Variants in ZSCAN32 observed in about 807,000 individuals in gnomAD.
ZSCAN32 encodes zinc finger and SCAN domain-containing protein 32.
Under a neutral mutation model 47.4 loss-of-function variants are expected in ZSCAN32, and 52 were observed. The ratio of observed to expected loss-of-function variants is 1.10; its 90% CI spans 0.88 to 1.38. The LOEUF is 1.38. Among genes scored for constraint, ZSCAN32 ranks in the 40% most tolerant of loss-of-function variants. The probability of loss-of-function intolerance (pLI) is 0.00; values close to 1 mark genes in which losing one functional copy is unlikely to be tolerated. For missense variants in ZSCAN32, 959 were observed against 846.0 expected (o/e 1.13, Z -1.66); for synonymous variants, 346 against 305.7 (o/e 1.13, Z -1.38).
At chr16:3,394,805 C>T (rs546307262) in intron 2 of ZSCAN32, among the ~76,000 whole-genome samples, 1 of 152,292 alleles carries the variant, frequency 6.6e-6, no homozygotes, top group South Asian at 2.1e-4. Context: ...CAAACCCGCC[C>T]AGTCTTTTCC....
At position 3,395,128 on chromosome 16, in the gene ZSCAN32, A is replaced by T. The variant is rs532930555; in HGVS notation, c.367-1314T>A. Among the ~76,000 whole-genome samples, 15 of 152,358 alleles carry T rather than the reference A, an allele frequency of 9.8e-5. No homozygotes were observed. In the South Asian group the frequency reaches 2.3e-3, roughly 23 times the overall value. On this transcript the variant is annotated intron_variant, in intron 2 of 6. Coordinates refer to ENST00000396852, the MANE Select transcript of ZSCAN32 (RefSeq NM_001284527.2). ...CAATATCAACGGTCACTGAAAATCA[A>T]CTTTTGTCTTTCAGAGCCATCTTCA...
chr16:3,397,687 G>T lies in ZSCAN32; in HGVS notation c.-130C>A. ...TTTCTGTAATCCGTGGGACATGAGA[G>T]TGTCAGACATGTGTAGAGACTCACA... On this transcript the variant is annotated 5_prime_UTR_variant, in exon 2 of 7. Transcript: ENST00000396852. 1 of 1,246,572 alleles carries T rather than the reference G, an allele frequency of 8.0e-7. No homozygotes were observed. Among genetic ancestry groups the T allele is most frequent in the Non-Finnish European group, 1.1e-6 (1 of 927,180 alleles). 77.2% of individuals were successfully genotyped at this position (1,246,572 alleles called of 1,614,324 possible).
chr16:3,386,567 T>G (rs901589856), intron 5 of ZSCAN32, among the ~76,000 whole-genome samples: 1 of 152,072 alleles, frequency 6.6e-6, no homozygotes, highest in Admixed American at 6.5e-5. Flanking sequence ...ATAGACTGGA[T>G]TAAGAAAATG....
chr16:3,383,204 T>G lies in ZSCAN32; in HGVS notation c.1742A>C (p.Gln581Pro), dbSNP rs1310610359. ...HTGERPYQCG[Q>P]CGKSFNQSSS... ...ACTCTGGTTGAAGCTTTTCCCACAT[T>G]GCCCACACTGATAGGGCCTCTCCCC... is the stretch of plus-strand genomic sequence containing the variant. Residue 581 changes from glutamine to proline, a missense_variant, in exon 7 of 7, where the codon CAA (glutamine) becomes CCA (proline). By Grantham distance (76) the Gln-to-Pro change is moderately conservative. Coordinates refer to ENST00000396852, the MANE Select transcript of ZSCAN32 (RefSeq NM_001284527.2). The G allele has an allele frequency of 6.2e-7, 1 of 1,614,158 alleles. No homozygotes were observed.
chr16:3,383,097 T>C lies in ZSCAN32; in HGVS notation c.1849A>G (p.Ser617Gly). 6.2e-7 allele frequency: 1 copy of C among 1,614,168 alleles called. No individual in the cohort carries two copies. The highest frequency in any genetic ancestry group is 8.5e-7 in the Non-Finnish European group (1 of 1,180,028). Residue 617 changes from serine (S) to glycine (G), a missense_variant, in exon 7 of 7, where the codon AGT becomes GGT. Physicochemically the swap from Ser to Gly is moderately conservative, Grantham distance 56. Coordinates refer to ENST00000396852, the MANE Select transcript of ZSCAN32 (RefSeq NM_001284527.2). ...CGCCGGTGAGCACTGAACTGGGAAC[T>C]GTTGTTGAATCTCTTTCCACAGACA... is the stretch of plus-strand genomic sequence containing the variant. The part of the protein sequence containing the change: ...CIVCGKRFNN[S>G]SQFSAHRRIH...
chr16:3,387,620 C>A (rs1227303961), intron 5 of ZSCAN32, among the ~76,000 whole-genome samples: 1 of 152,126 alleles, frequency 6.6e-6, no homozygotes, highest in African/African-American at 2.4e-5. Flanking sequence ...CTTCTTGTCA[C>A]CCCCTCTTCT....
rs763473028 is a variant in ZSCAN32, at chr16:3,397,375, G to A, written c.183C>T (p.Leu61=). ...PHEAFSKLWE[L]CCQWLRPKTH... Reference sequence around the variant, plus strand: ...TCTTCGGCCTCAGCCACTGACAACAGAGTTCCCAGAGTTTGCTAAAAGCTT... The same window carrying A: ...TCTTCGGCCTCAGCCACTGACAACAAAGTTCCCAGAGTTTGCTAAAAGCTT... Residue 61 remains leucine (L), a synonymous_variant, in exon 2 of 7, where the codon CTC becomes CTT. Coordinates refer to ENST00000396852, the MANE Select transcript of ZSCAN32 (RefSeq NM_001284527.2). The A allele has an allele frequency of 1.9e-6, 3 of 1,555,124 alleles. No homozygotes were observed. The highest frequency in any genetic ancestry group is 1.9e-5 in the Admixed American group (1 of 51,328).
intron 6 of ZSCAN32, 30 bp downstream of exon 6, chr16:3,384,429 C>G: frequency 6.2e-7 from 1 of 1,613,066 alleles, no homozygotes; most frequent in South Asian, 1.1e-5. Flanking sequence ...CTTTGCCATC[C>G]TTTGACCATC....
At chr16:3,386,736 AAC>A (rs2032047853) in intron 5 of ZSCAN32, among the ~76,000 whole-genome samples, 2 of 152,316 alleles carry the variant, frequency 1.3e-5, no homozygotes, top group South Asian at 4.1e-4. Context: ...GTTGTAACTG[AAC>A]AGTGAGAACA....
At chr16:3,385,601 G>A (rs2031878719) in intron 5 of ZSCAN32, among the ~76,000 whole-genome samples, 1 of 152,130 alleles carries the variant, frequency 6.6e-6, no homozygotes, top group African/African-American at 2.4e-5. Context: ...CAGAGAAATA[G>A]ACCAATGGAA....
Position 3,389,944 on chromosome 16 carries a change from G to C in ZSCAN32, c.751+66C>G. ...CTCCCTCTGTCTCCCTCCCTCTCAAGTCCTTTCAGCCTCTCTGAACAACTG... is the reference window on the plus strand; with the variant it reads ...CTCCCTCTGTCTCCCTCCCTCTCAACTCCTTTCAGCCTCTCTGAACAACTG... On this transcript the variant is annotated intron_variant, in intron 5 of 6. Coordinates refer to ENST00000396852, the MANE Select transcript of ZSCAN32 (RefSeq NM_001284527.2). 2.0e-6 allele frequency: 3 copies of C among 1,473,558 alleles called. No individual in the cohort carries two copies. In the South Asian group the frequency reaches 4.0e-5, roughly 20 times the overall value. The allele number at this position is 1,473,558 out of a possible 1,614,324, so 91.3% of individuals were successfully genotyped here. A position where few individuals can be genotyped will look rare whatever the true frequency, so the allele number is the denominator to read the frequency against.
chr16:3,385,039 C>A (rs2031786194), intron 5 of ZSCAN32, 98 bp from the exon 6 acceptor site: 1 of 1,430,950 alleles, frequency 7.0e-7, no homozygotes, highest in Non-Finnish European at 9.4e-7. Flanking sequence ...AAAGTTACAT[C>A]CTAGGCTGGA....
chr16:3,399,005 G>A (rs917116202), intron 1 of ZSCAN32, among the ~76,000 whole-genome samples: 1 of 152,098 alleles, frequency 6.6e-6, no homozygotes, highest in Non-Finnish European at 1.5e-5. Flanking sequence ...GGCGGATCAC[G>A]TGGTCAGGAG....
Position 3,397,251 on chromosome 16 carries a change from C to A in ZSCAN32, c.307G>T (p.Glu103Ter). 1.3e-6 allele frequency: 2 copies of A among 1,564,506 alleles called. No homozygotes were observed. Among genetic ancestry groups the A allele is most frequent in the Non-Finnish European group, 8.7e-7 (1 of 1,154,668 alleles). The change falls in exon 2 of 7, where the codon GAA becomes TAA. Residue 103 changes from glutamate (E) to a stop codon, truncating the protein, a stop_gained. Transcript: ENST00000396852. LOFTEE classifies it high-confidence loss of function. ...AGAGCCACAGCTTCCTCGCCGTTTT[C>A]TGGATGCTGCTCCCTCACCCAGGTC... Reference protein sequence around the residue: ...IQTWVREQHPENGEEAVALVE... With the variant: ...IQTWVREQHP
At chr16:3,386,193 C>CT (rs2031966350) in intron 5 of ZSCAN32, among the ~76,000 whole-genome samples, 1 of 152,314 alleles carries the variant, frequency 6.6e-6, no homozygotes, top group South Asian at 2.1e-4. Context: ...TGAAAAAATG[C>CT]TCATCATCAC....
chr16:3,393,231 T>TAA lies in ZSCAN32; in HGVS notation c.532+417_532+418insTT, dbSNP rs1567319954. ...ATTTATATATATATATATATATAAA[T>TAA]TTATATATTTTATATATATATATAT... is the stretch of plus-strand genomic sequence containing the variant. On this transcript the variant is annotated intron_variant, in intron 3 of 6. Coordinates refer to ENST00000396852, the MANE Select transcript of ZSCAN32 (RefSeq NM_001284527.2). Among the ~76,000 whole-genome samples the TAA allele has an allele frequency of 2.5e-4, 6 of 23,798 alleles. 2 individuals carry two copies. The highest frequency in any genetic ancestry group is 2.4e-3 in the African/African-American group (6 of 2,544). 15.6% of individuals were successfully genotyped at this position (23,798 alleles called of 152,430 possible).
chr16:3,393,883 T>TG, intron 2 of ZSCAN32, 69 bp from the exon 3 acceptor site: 1 of 1,345,076 alleles, frequency 7.4e-7, no homozygotes, highest in Middle Eastern at 1.9e-4. Flanking sequence ...CTCCTAAGAG[T>TG]GGCATTAAAA....
At position 3,390,100 on chromosome 16, in the gene ZSCAN32, G is replaced by A. The variant is rs751691627; in HGVS notation, c.661C>T (p.Leu221Phe). ...GGGCACATCCATTCTTGCTGACAGA[G>A]GGATACAGCTCTGTTGTCACGCATG... ...PAMRDNRAVS[L>F]CQQEWMCPGP... is the part of the protein sequence containing the mutation. The change falls in exon 5 of 7, where the codon CTC (leucine) becomes TTC (phenylalanine). Residue 221 changes from leucine to phenylalanine, a missense_variant. Physicochemically the swap from Leu to Phe is conservative, Grantham distance 22 (BLOSUM62 0). Coordinates refer to ENST00000396852, the MANE Select transcript of ZSCAN32 (RefSeq NM_001284527.2). 5.6e-6 allele frequency: 9 copies of A among 1,613,822 alleles called. No individual in the cohort carries two copies. The Middle Eastern group carries it at 4.9e-4, about 89-fold the overall frequency.
In ZSCAN32 at chr16:3,397,192, C is replaced by T. The variant is rs1313707283; in HGVS notation, c.366G>A (p.Gln122=). The T allele has an allele frequency of 6.6e-7, 1 of 1,510,810 alleles. No homozygotes were observed. Among genetic ancestry groups the T allele is most frequent in the African/African-American group, 1.4e-5 (1 of 71,122 alleles). The allele number at this position is 1,510,810 out of a possible 1,614,324, so 93.6% of individuals were successfully genotyped here. ...VEDVQRAPGQ[Q]VLDSEKDLKV... ...CAAAGTTCCGACTTCCTTTTCTCAC[C>T]TGTTGTCCAGGAGCTCTCTGTACAT... The change falls in exon 2 of 7, where the codon CAG becomes CAA. Residue 122 remains glutamine, a splice_region_variant and synonymous_variant. Coordinates refer to ENST00000396852, the MANE Select transcript of ZSCAN32 (RefSeq NM_001284527.2).
Sources: allele counts gnomAD v4.1 joint callset (sites outside exome capture counted in the v4.1 genomes callset), GRCh38; gene constraint gnomAD v4.1.1; transcripts MANE v1.5; gene names NCBI Gene and HGNC (gene_info 2026-07-23, HGNC 2026-07-21).